UPRT: variants seen among roughly 807,000 people sequenced by gnomAD.
UPRT encodes uracil phosphoribosyltransferase homolog, also known as RP11-311P8.3.
A neutral mutation model predicts 22.6 loss-of-function variants in UPRT; 5 were observed. The observed-to-expected ratio is 0.22, with a 90% confidence interval of 0.12 to 0.47. The LOEUF (loss-of-function observed/expected upper bound fraction) is 0.47, where lower values mean the gene tolerates loss of function less well. UPRT is among the 20% of genes least tolerant of loss of function. The probability of loss-of-function intolerance (pLI) is 0.99; values close to 1 mark genes in which losing one functional copy is unlikely to be tolerated. For synonymous variants in UPRT, 77 were observed against 87.7 expected (o/e 0.88, Z 0.68); for missense variants, 181 against 239.9 (o/e 0.75, Z 1.62).
intron 4 of UPRT, among the ~76,000 whole-genome samples, chrX:75,238,218 C>T (rs1382585857): frequency 9.0e-6 from 1 of 111,079 alleles, no homozygotes; most frequent in African/African-American, 3.3e-5. Context: ...AACCAAGTAC[C>T]TGCTGTCTTC....
chrX:75,230,068 G>A (rs1393618524), intron 4 of UPRT, among the ~76,000 whole-genome samples: 2 of 111,928 alleles, frequency 1.8e-5, no homozygotes, highest in Non-Finnish European at 3.8e-5. Context: ...TCTGCTATTG[G>A]TGGGGCACAG....
chrX:75,225,503 G>C (rs777631592), intron 4 of UPRT, among the ~76,000 whole-genome samples: 4 of 111,211 alleles, frequency 3.6e-5, no homozygotes, highest in Non-Finnish European at 5.7e-5. Flanking sequence ...CTTCCAGTTG[G>C]GGGAGAGGCA....
chrX:75,235,566 G>A (rs754668328), intron 4 of UPRT, among the ~76,000 whole-genome samples: 193 of 111,536 alleles, frequency 1.7e-3, no homozygotes, highest in Non-Finnish European at 3.1e-3. Context: ...CTGGCAAACC[G>A]AATCCAGCAG....
intron 4 of UPRT, among the ~76,000 whole-genome samples, chrX:75,184,632 C>T (rs1486638682): frequency 4.7e-5 from 5 of 107,200 alleles, no homozygotes; most frequent in South Asian, 4.3e-4. Context: ...GCCATTTTCA[C>T]GATATTGATT....
Position 75,300,945 on chromosome X carries a change from G to A in UPRT, c.803G>A (p.Ser268Asn). 3.3e-6 allele frequency: 4 copies of A among 1,208,156 alleles called. No homozygotes were observed. Among genetic ancestry groups the A allele is most frequent in the Non-Finnish European group, 4.5e-6 (4 of 893,138 alleles). The change falls in exon 6 of 7, where the codon AGT (serine) becomes AAT (asparagine). Residue 268 changes from serine to asparagine, a missense_variant. By Grantham distance (46) the Ser-to-Asn change is conservative. Transcript: ENST00000373383. ...GVQPSVIILLSLFSTPHGAKS... is the reference protein window; with the variant it reads ...GVQPSVIILLNLFSTPHGAKS... ...CAACCCAGTGTTATCATCCTACTCA[G>A]TCTGTTCTCCACTCCTCATGGTGAG... is the stretch of plus-strand genomic sequence containing the variant.
intron 4 of UPRT, among the ~76,000 whole-genome samples, chrX:75,200,206 G>A (rs1482891191): frequency 1.8e-5 from 2 of 112,105 alleles, no homozygotes; most frequent in East Asian, 2.8e-4. Context: ...TCCTAGGCCC[G>A]ATAATCATTA....
chrX:75,185,120 G>A (rs1396995028), intron 4 of UPRT, among the ~76,000 whole-genome samples: 12 of 111,631 alleles, frequency 1.1e-4, no homozygotes, highest in African/African-American at 1.6e-4. Flanking sequence ...GGAATGCTCC[G>A]AGGTTTTGCC....
chrX:75,232,524 T>C (rs908583107), intron 4 of UPRT, among the ~76,000 whole-genome samples: 3 of 112,540 alleles, frequency 2.7e-5, no homozygotes, highest in African/African-American at 9.7e-5. Flanking sequence ...CTCTGCAGAC[T>C]TAAATGTCCC....
chrX:75,188,375 C>T (rs1051231359), intron 4 of UPRT, among the ~76,000 whole-genome samples: 1 of 112,124 alleles, frequency 8.9e-6, no homozygotes, highest in Non-Finnish European at 1.9e-5. Context: ...AGGCAGTCTG[C>T]CCGTTCTCAG....
chrX:75,251,297 G>A (rs971468319), intron 4 of UPRT, among the ~76,000 whole-genome samples: 1 of 111,560 alleles, frequency 9.0e-6, no homozygotes, highest in Non-Finnish European at 1.9e-5. Context: ...TGACATGATT[G>A]TATATCTAGA....
At chrX:75,300,274 C>T (rs1340031619) in intron 5 of UPRT, among the ~76,000 whole-genome samples, 1 of 111,559 alleles carries the variant, frequency 9.0e-6, no homozygotes, top group Non-Finnish European at 1.9e-5. Flanking sequence ...TGTTCTGTTT[C>T]TTAAGCTTAC....
At chrX:75,216,370 A>G (rs986413553) in intron 4 of UPRT, among the ~76,000 whole-genome samples, 3 of 112,243 alleles carry the variant, frequency 2.7e-5, no homozygotes, top group Admixed American at 9.5e-5. Flanking sequence ...CAACTTCATA[A>G]GAATATGTAC....
intron 2 of UPRT, 130 bp from the exon 3 acceptor site, chrX:75,296,212 C>A (rs1452038517): frequency 8.8e-6 from 5 of 569,158 alleles, no homozygotes; most frequent in African/African-American, 6.8e-5. Context: ...TAGGGGGCCC[C>A]TTACTGCCTC....
At chrX:75,256,403 C>T (rs1456717917) in intron 4 of UPRT, among the ~76,000 whole-genome samples, 2 of 111,244 alleles carry the variant, frequency 1.8e-5, no homozygotes, top group Non-Finnish European at 3.8e-5. Context: ...ACACCTACAT[C>T]AGAAAGACTA....
At chrX:75,263,304 C>A (rs1253777566) in intron 4 of UPRT, among the ~76,000 whole-genome samples, 1 of 111,805 alleles carries the variant, frequency 8.9e-6, no homozygotes, top group Non-Finnish European at 1.9e-5. Context: ...GTACCAGCTC[C>A]TCCCTGTACC....
At chrX:75,238,472 A>G (rs1263808066) in intron 4 of UPRT, among the ~76,000 whole-genome samples, 1 of 111,801 alleles carries the variant, frequency 8.9e-6, no homozygotes, top group Non-Finnish European at 1.9e-5. Flanking sequence ...GGAGCTTCCA[A>G]ATTTATAAAA....
intron 4 of UPRT, among the ~76,000 whole-genome samples, chrX:75,201,118 A>G (rs750556844): frequency 1.1e-3 from 122 of 112,292 alleles, no homozygotes; most frequent in Non-Finnish European, 2.0e-3. Context: ...AGTCCATTTC[A>G]CATCTTCTGA....
chrX:75,283,173 G>T (rs2082665558), intron 1 of UPRT, among the ~76,000 whole-genome samples: 1 of 111,840 alleles, frequency 8.9e-6, no homozygotes, highest in Non-Finnish European at 1.9e-5. Flanking sequence ...GTCCTCATGT[G>T]TTAGGTGAGT....
intron 4 of UPRT, among the ~76,000 whole-genome samples, chrX:75,257,302 T>C (rs1204188677): frequency 8.9e-6 from 1 of 111,824 alleles, no homozygotes; most frequent in East Asian, 2.8e-4. Flanking sequence ...GAAAAAGCAT[T>C]CAACAAAATC....
Sources: gnomAD v4.1 joint callset for allele counts (sites outside exome capture counted in the v4.1 genomes callset) on GRCh38, gnomAD v4.1.1 for gene constraint, MANE v1.5 for transcripts, NCBI Gene and HGNC (gene_info 2026-07-23, HGNC 2026-07-21) for gene names.